The following TRPM3 variants were observed in gnomAD, a reference collection of about 807,000 sequenced individuals.
The protein encoded by TRPM3 is long transient receptor potential channel 3.
A neutral mutation model predicts 181.2 loss-of-function variants in TRPM3; 77 were observed. The ratio of observed to expected loss-of-function variants is 0.42; its 90% CI spans 0.35 to 0.51. The LOEUF (loss-of-function observed/expected upper bound fraction) is 0.51. Ranked by LOEUF, TRPM3 falls within the 20% of genes least tolerant of loss-of-function variation. The pLI is 0.01. For missense variants in TRPM3, 1,759 were observed against 2,196.7 expected, an observed-to-expected ratio of 0.80 and a Z score of 3.98; for synonymous variants, 745 against 796.4, an observed-to-expected ratio of 0.94 and a Z score of 1.09.
intron 1 of TRPM3, among the ~76,000 whole-genome samples, chr9:71,315,736 T>C (rs1723480944): frequency 6.6e-6 from 1 of 152,300 alleles, no homozygotes. Flanking sequence ...TTTAAAAAGA[T>C]TTTTAATAGT....
intron 5 of TRPM3, among the ~76,000 whole-genome samples, chr9:70,833,116 T>C (rs1030979195): frequency 1.3e-5 from 2 of 152,238 alleles, no homozygotes; most frequent in Non-Finnish European, 2.9e-5. Flanking sequence ...TGTTAAACAG[T>C]GCTTTTGCTC....
rs2041390750 is a variant in TRPM3, at chr9:70,534,857, T to G, written c.*1096A>C. On this transcript the variant is annotated 3_prime_UTR_variant, in exon 26 of 26. Coordinates refer to ENST00000677713, the MANE Select transcript of TRPM3 (RefSeq NM_001366145.2). ...ATCCACATATAACCATATATTCATA[T>G]ACAAAATGGTCATGTGATGAGTGGT... 6.6e-6 allele frequency: 1 copy of G among 152,346 alleles called. No individual in the cohort carries two copies. Among genetic ancestry groups the G allele is most frequent in the Non-Finnish European group, 1.5e-5 (1 of 68,168 alleles). The allele number at this position is 152,346 out of a possible 1,614,324, so 9.4% of individuals were successfully genotyped here.
chr9:71,223,113 C>T (rs1313607194), intron 1 of TRPM3, among the ~76,000 whole-genome samples: 2 of 152,216 alleles, frequency 1.3e-5, no homozygotes, highest in East Asian at 1.9e-4. Flanking sequence ...TTGTTCCACT[C>T]CTCCCCCCAA....
intron 1 of TRPM3, among the ~76,000 whole-genome samples, chr9:70,891,640 G>C (rs531408771): frequency 1.3e-5 from 2 of 152,236 alleles, no homozygotes; most frequent in East Asian, 3.9e-4. Flanking sequence ...TGGAAGTACT[G>C]GAAGATAAAG....
intron 1 of TRPM3, among the ~76,000 whole-genome samples, chr9:71,161,592 A>C (rs1182060646): frequency 6.6e-6 from 1 of 152,172 alleles, no homozygotes; most frequent in Non-Finnish European, 1.5e-5. Context: ...GTGTGGGGTA[A>C]CTGAAAGAAA....
intron 1 of TRPM3, among the ~76,000 whole-genome samples, chr9:70,925,353 C>A (rs1337009): frequency 0.77 from 117,614 of 151,964 alleles, 45,899 homozygotes; most frequent in African/African-American, 0.86. Context: ...ACCACCCTAC[C>A]GCAATGATGT....
chr9:71,009,723 G>GA (rs528839280), intron 1 of TRPM3, among the ~76,000 whole-genome samples: 2 of 151,422 alleles, frequency 1.3e-5, no homozygotes, highest in Non-Finnish European at 2.9e-5. Context: ...CACAGAAATA[G>GA]AAAAAAAATA....
chr9:70,993,676 G>A (rs72731740), intron 1 of TRPM3, among the ~76,000 whole-genome samples: 10 of 151,466 alleles, frequency 6.6e-5, no homozygotes, highest in East Asian at 2.0e-4. Flanking sequence ...AAGGGGGTGC[G>A]TGAGATTATC....
intron 1 of TRPM3, among the ~76,000 whole-genome samples, chr9:71,250,908 A>G (rs73647984): frequency 0.019 from 2,851 of 152,246 alleles, 97 homozygotes; most frequent in African/African-American, 0.066. Flanking sequence ...GTTGTAGGTA[A>G]TGGAAGAGAG....
chr9:70,695,938 T>C (rs1420362548), intron 8 of TRPM3, among the ~76,000 whole-genome samples: 1 of 152,182 alleles, frequency 6.6e-6, no homozygotes, highest in Non-Finnish European at 1.5e-5. Context: ...CATCCTTTAA[T>C]GGCCTTTGAT....
At chr9:71,037,767 C>T (rs1473177140) in intron 1 of TRPM3, among the ~76,000 whole-genome samples, 1 of 152,204 alleles carries the variant, frequency 6.6e-6, no homozygotes, top group Non-Finnish European at 1.5e-5. Flanking sequence ...ATGCAAGAGC[C>T]TATGAGCTAT....
chr9:70,635,109 G>C (rs2056936436), intron 12 of TRPM3, 102 bp downstream of exon 12: 8 of 951,642 alleles, frequency 8.4e-6, no homozygotes, highest in Non-Finnish European at 1.3e-5. Flanking sequence ...GCGCCTGATA[G>C]GGACAGGAAT....
chr9:70,584,619 A>G (rs1028049851), intron 22 of TRPM3, among the ~76,000 whole-genome samples: 4 of 152,150 alleles, frequency 2.6e-5, no homozygotes, highest in African/African-American at 9.7e-5. Flanking sequence ...CTGAACACCA[A>G]TTTACTATTG....
At chr9:71,198,437 C>T (rs1380320781) in intron 1 of TRPM3, among the ~76,000 whole-genome samples, 1 of 152,090 alleles carries the variant, frequency 6.6e-6, no homozygotes, top group East Asian at 1.9e-4. Context: ...ATGGGGATGG[C>T]ATTAAATCTA....
chr9:71,237,163 T>C (rs2081408619), intron 1 of TRPM3, among the ~76,000 whole-genome samples: 1 of 151,542 alleles, frequency 6.6e-6, no homozygotes, highest in African/African-American at 2.4e-5. Context: ...AAGGCAGGTA[T>C]AGTTTGGTGC....
At chr9:70,897,707 G>A (rs1339679951) in intron 1 of TRPM3, among the ~76,000 whole-genome samples, 1 of 152,138 alleles carries the variant, frequency 6.6e-6, no homozygotes, top group Admixed American at 6.5e-5. Flanking sequence ...CTCAGAGTAT[G>A]CTAAAGGCTT....
At chr9:70,811,143 T>C in intron 6 of TRPM3, 2 of 1,567,830 alleles carry the variant, frequency 1.3e-6, no homozygotes, top group Non-Finnish European at 1.7e-6. Flanking sequence ...TAAGAAGAAA[T>C]TCACATTTTC....
intron 1 of TRPM3, among the ~76,000 whole-genome samples, chr9:70,916,835 G>A (rs1488817782): frequency 2.0e-5 from 3 of 152,174 alleles, no homozygotes; most frequent in South Asian, 2.1e-4. Flanking sequence ...TCACAGTATG[G>A]TGATACATCT....
At chr9:71,266,869 T>C (rs1279046965) in intron 1 of TRPM3, among the ~76,000 whole-genome samples, 2 of 152,140 alleles carry the variant, frequency 1.3e-5, no homozygotes, top group Non-Finnish European at 2.9e-5. Context: ...ACATTGTTTG[T>C]CTTTTTGTGG....
Sources: allele counts gnomAD v4.1 joint callset (sites outside exome capture counted in the v4.1 genomes callset), GRCh38; gene constraint gnomAD v4.1.1; transcripts MANE v1.5; gene names NCBI Gene and HGNC (gene_info 2026-07-23, HGNC 2026-07-21).